Variants in CNTNAP2 observed in about 807,000 individuals in gnomAD.
CNTNAP2 encodes contactin-associated protein-like 2.
In CNTNAP2, 98 loss-of-function variants were observed where a neutral mutation model predicts 155.2. The ratio of observed to expected loss-of-function variants is 0.63; its 90% CI spans 0.54 to 0.75. The LOEUF is 0.75. CNTNAP2 is among the 30% of genes least tolerant of loss of function. The probability of loss-of-function intolerance (pLI) is 0.00; values close to 1 mark genes in which losing one functional copy is unlikely to be tolerated. For missense variants in CNTNAP2, 1,727 were observed against 1,688.1 expected, an observed-to-expected ratio of 1.02 and a Z score of -0.40; for synonymous variants, 651 against 631.2, an observed-to-expected ratio of 1.03 and a Z score of -0.47.
chr7:146,717,932 C>T (rs1313949669), intron 1 of CNTNAP2, among the ~76,000 whole-genome samples: 1 of 151,962 alleles, frequency 6.6e-6, no homozygotes, highest in Non-Finnish European at 1.5e-5. Flanking sequence ...AGTGCCAAAA[C>T]AGGAATGGGA....
intron 16 of CNTNAP2, among the ~76,000 whole-genome samples, chr7:148,144,617 C>T (rs1805140815): frequency 6.6e-6 from 1 of 152,190 alleles, no homozygotes; most frequent in Non-Finnish European, 1.5e-5. Context: ...TCAGACCCTT[C>T]CCAGTTCTTG....
At chr7:147,231,016 C>A (rs1803667286) in intron 8 of CNTNAP2, among the ~76,000 whole-genome samples, 1 of 152,066 alleles carries the variant, frequency 6.6e-6, no homozygotes, top group Non-Finnish European at 1.5e-5. Flanking sequence ...AGGCAGAAGA[C>A]AAAAAGGAAT....
intron 1 of CNTNAP2, among the ~76,000 whole-genome samples, chr7:146,722,777 G>A (rs778981971): frequency 6.6e-6 from 1 of 152,102 alleles, no homozygotes; most frequent in Non-Finnish European, 1.5e-5. Context: ...AGCACTTTGG[G>A]AGGCCGAGGC....
At chr7:148,389,608 AGAACCCTCTCTTGGGGTTTGGATCAG>A (rs1180831695) in intron 22 of CNTNAP2, 1 of 152,250 alleles carries the variant, frequency 6.6e-6, no homozygotes, top group African/African-American at 2.4e-5. Flanking sequence ...GTGAGATCCA[AGAACCCTCTCTTGGGGTTTGGATCAG>A]GAACCCTTTC....
At chr7:146,281,370 G>T (rs547091529) in intron 1 of CNTNAP2, among the ~76,000 whole-genome samples, 1 of 152,140 alleles carries the variant, frequency 6.6e-6, no homozygotes, top group South Asian at 2.1e-4. Context: ...GAGGTAAAGA[G>T]GGTACTTTCC....
chr7:146,481,937 G>A (rs1267721802), intron 1 of CNTNAP2, among the ~76,000 whole-genome samples: 1 of 152,102 alleles, frequency 6.6e-6, no homozygotes, highest in Non-Finnish European at 1.5e-5. Context: ...GCCCTCAGAA[G>A]CCTGTCTAAA....
At chr7:146,242,788 A>T (rs1799584601) in intron 1 of CNTNAP2, among the ~76,000 whole-genome samples, 1 of 152,180 alleles carries the variant, frequency 6.6e-6, no homozygotes, top group Non-Finnish European at 1.5e-5. Context: ...TCATAAAATA[A>T]CACTACATAT....
rs1016848183 is a variant in CNTNAP2, at chr7:146,688,135, G to C, written c.98-86136G>C. Among the ~76,000 whole-genome samples, 5 of 152,046 alleles carry C rather than the reference G, an allele frequency of 3.3e-5. No homozygotes were observed. The East Asian group carries it at 5.8e-4, about 18-fold the overall frequency. On this transcript the variant is annotated intron_variant, in intron 1 of 23. Coordinates refer to ENST00000361727, the MANE Select transcript of CNTNAP2 (RefSeq NM_014141.6). ...CCACAGCATTAAATAGGCGTCTGTAGACACAAACTGCCATGAAGTGATTCA... is the reference window on the plus strand; with the variant it reads ...CCACAGCATTAAATAGGCGTCTGTACACACAAACTGCCATGAAGTGATTCA...
intron 13 of CNTNAP2, among the ~76,000 whole-genome samples, chr7:147,890,795 C>G (rs62481218): frequency 0.04 from 6,013 of 149,184 alleles, 154 homozygotes; most frequent in Non-Finnish European, 0.061. Flanking sequence ...TTACCAGAGG[C>G]TAGGGAATGG....
At chr7:148,159,790 C>T (rs951038395) in intron 17 of CNTNAP2, among the ~76,000 whole-genome samples, 7 of 152,158 alleles carry the variant, frequency 4.6e-5, no homozygotes, top group Non-Finnish European at 7.3e-5. Flanking sequence ...ATCAATAGTT[C>T]TATCAGTGGT....
chr7:147,601,280 G>T (rs979812590), intron 12 of CNTNAP2, among the ~76,000 whole-genome samples: 1 of 152,054 alleles, frequency 6.6e-6, no homozygotes, highest in African/African-American at 2.4e-5. Flanking sequence ...GGGTGCAGGC[G>T]GGCTGAGTCT....
intron 8 of CNTNAP2, among the ~76,000 whole-genome samples, chr7:147,281,333 T>C (rs965930732): frequency 6.6e-6 from 1 of 151,862 alleles, no homozygotes; most frequent in African/African-American, 2.4e-5. Context: ...CAAAATGGAT[T>C]AGCCAAAAGC....
chr7:146,939,448 G>C (rs559557978), intron 3 of CNTNAP2, among the ~76,000 whole-genome samples: 1 of 152,040 alleles, frequency 6.6e-6, no homozygotes, highest in Non-Finnish European at 1.5e-5. Context: ...TTAAAACTTC[G>C]GGTTTTTTTA....
rs756025630 is a variant in CNTNAP2 at position 146,832,461 on chromosome 7, C to T, written c.209-7250C>T. Among the ~76,000 whole-genome samples the T allele has an allele frequency of 1.5e-4, 22 of 148,954 alleles. 1 individual carries two copies. Among genetic ancestry groups the T allele is most frequent in the Non-Finnish European group, 3.0e-4 (20 of 67,426 alleles). ...GGTTTACTGATGTATAATTGATATA[C>T]ATTAACATATATATTTATATAAAGT... On this transcript the variant is annotated intron_variant, in intron 2 of 23. Coordinates refer to ENST00000361727, the MANE Select transcript of CNTNAP2 (RefSeq NM_014141.6).
chr7:147,548,856 A>G (rs1394043039), intron 11 of CNTNAP2, among the ~76,000 whole-genome samples: 1 of 152,198 alleles, frequency 6.6e-6, no homozygotes, highest in Non-Finnish European at 1.5e-5. Flanking sequence ...CATTTACTGA[A>G]TAGGAGATCG....
At chr7:148,372,446 G>A (rs1798904305) in intron 21 of CNTNAP2, among the ~76,000 whole-genome samples, 1 of 152,162 alleles carries the variant, frequency 6.6e-6, no homozygotes, top group Admixed American at 6.5e-5. Flanking sequence ...AGTGGTTCAT[G>A]TCTGTAATCC....
chr7:148,076,171 G>T (rs189692516), intron 15 of CNTNAP2, among the ~76,000 whole-genome samples: 171 of 152,224 alleles, frequency 1.1e-3, no homozygotes, highest in Middle Eastern at 6.8e-3. Flanking sequence ...AGATTCAAGG[G>T]TGGCAAATAC....
intron 4 of CNTNAP2, among the ~76,000 whole-genome samples, chr7:147,107,568 A>G (rs1423536998): frequency 2.0e-5 from 3 of 152,114 alleles, no homozygotes; most frequent in Non-Finnish European, 4.4e-5. Context: ...CTGCTTCCTA[A>G]GAATAAATGG....
At chr7:147,030,593 G>A (rs1404978475) in intron 3 of CNTNAP2, among the ~76,000 whole-genome samples, 1 of 152,034 alleles carries the variant, frequency 6.6e-6, no homozygotes, top group East Asian at 1.9e-4. Flanking sequence ...CTTATTTCCT[G>A]TTCCACTCTC....
Sources: gnomAD v4.1 joint callset for allele counts (sites outside exome capture counted in the v4.1 genomes callset) on GRCh38, gnomAD v4.1.1 for gene constraint, MANE v1.5 for transcripts, NCBI Gene and HGNC (gene_info 2026-07-23, HGNC 2026-07-21) for gene names.